Variants in MINDY2 observed in about 807,000 individuals in gnomAD.
MINDY2 encodes MINDY lysine 48 deubiquitinase 2.
A neutral mutation model predicts 68.2 loss-of-function variants in MINDY2; 52 were observed. That is an observed-to-expected ratio of 0.76 (90% CI 0.61 to 0.96). MINDY2 has a LOEUF of 0.96. Among genes scored for constraint, MINDY2 ranks in the 40% least tolerant of loss-of-function variants. The pLI, the probability that MINDY2 is intolerant of heterozygous loss-of-function variation, is 0.00. For synonymous variants in MINDY2, 372 were observed against 303.0 expected, an observed-to-expected ratio of 1.23 and a Z score of -2.36; for missense variants, 881 against 773.4, an observed-to-expected ratio of 1.14 and a Z score of -1.65.
chr15:58,793,378 C>T (rs1173955795), intron 2 of MINDY2, among the ~76,000 whole-genome samples: 2 of 151,952 alleles, frequency 1.3e-5, no homozygotes, highest in African/African-American at 4.8e-5. Context: ...TTGAACCCAG[C>T]AGTCGGAGGT....
chr15:58,850,017 G>A (rs977698130), intron 7 of MINDY2, among the ~76,000 whole-genome samples: 6 of 152,136 alleles, frequency 3.9e-5, no homozygotes, highest in Admixed American at 6.5e-5. Context: ...GATTACAGGC[G>A]TGAGCCACTG....
intron 5 of MINDY2, among the ~76,000 whole-genome samples, chr15:58,828,942 TACTC>T (rs1481266696): frequency 6.6e-6 from 1 of 152,204 alleles, no homozygotes; most frequent in Non-Finnish European, 1.5e-5. Flanking sequence ...TCATGAATAA[TACTC>T]TATTATCATT....
chr15:58,822,107 A>G (rs915160477), intron 5 of MINDY2, among the ~76,000 whole-genome samples: 2 of 152,046 alleles, frequency 1.3e-5, no homozygotes, highest in Non-Finnish European at 2.9e-5. Context: ...ACAAAAAATT[A>G]GTTGGCCATG....
intron 2 of MINDY2, among the ~76,000 whole-genome samples, chr15:58,795,357 G>A (rs1902212172): frequency 6.6e-6 from 1 of 151,942 alleles, no homozygotes; most frequent in Non-Finnish European, 1.5e-5. Flanking sequence ...TGTCCTAATG[G>A]CTCACTTCAG....
intron 4 of MINDY2, among the ~76,000 whole-genome samples, chr15:58,819,636 C>T (rs528436136): frequency 6.6e-6 from 1 of 152,290 alleles, no homozygotes; most frequent in South Asian, 2.1e-4. Context: ...GTGTGAGCCA[C>T]CACACCCAAC....
intron 3 of MINDY2, among the ~76,000 whole-genome samples, chr15:58,804,722 G>A (rs536257098): frequency 5.3e-5 from 8 of 152,020 alleles, no homozygotes; most frequent in Admixed American, 2.0e-4. Flanking sequence ...TCAGAGGATC[G>A]CTTGAGCCCA....
intron 2 of MINDY2, among the ~76,000 whole-genome samples, chr15:58,788,267 T>C (rs1196466158): frequency 2.0e-5 from 3 of 152,284 alleles, no homozygotes; most frequent in Admixed American, 6.5e-5. Flanking sequence ...TGACATTGCA[T>C]GTAGAAAGTG....
At chr15:58,791,221 A>ATATATATATATG (rs1901879312) in intron 2 of MINDY2, among the ~76,000 whole-genome samples, 1 of 18,484 alleles carries the variant, frequency 5.4e-5, no homozygotes. Context: ...AATTTTATAT[A>ATATATATATATG]TATATATATA....
chr15:58,789,872 C>T (rs1164358495), intron 2 of MINDY2, among the ~76,000 whole-genome samples: 3 of 152,106 alleles, frequency 2.0e-5, no homozygotes, highest in African/African-American at 2.4e-5. Flanking sequence ...GTCTTGAACT[C>T]CTGACCTCAG....
chr15:58,853,262 C>G (rs2032921304), intron 8 of MINDY2, among the ~76,000 whole-genome samples: 1 of 151,786 alleles, frequency 6.6e-6, no homozygotes, highest in African/African-American at 2.4e-5. Flanking sequence ...CTAAACTGTT[C>G]ATTTTGATTC....
At chr15:58,813,651 T>C (rs1452634291) in intron 4 of MINDY2, among the ~76,000 whole-genome samples, 1 of 152,146 alleles carries the variant, frequency 6.6e-6, no homozygotes, top group African/African-American at 2.4e-5. Flanking sequence ...TTGCCCAGGC[T>C]GGACTTGAAT....
intron 5 of MINDY2, among the ~76,000 whole-genome samples, chr15:58,826,104 T>A (rs936050283): frequency 6.6e-6 from 1 of 152,032 alleles, no homozygotes; most frequent in Non-Finnish European, 1.5e-5. Flanking sequence ...ACTTTTATTT[T>A]AAAAAATCTC....
chr15:58,782,276 C>T (rs1416847488), intron 1 of MINDY2, among the ~76,000 whole-genome samples: 1 of 151,994 alleles, frequency 6.6e-6, no homozygotes, highest in African/African-American at 2.4e-5. Context: ...TACATATATA[C>T]ACACATGTGT....
rs570085853 is a variant in MINDY2 at position 58,788,254 on chromosome 15, C to T, written c.898+291C>T. Among the ~76,000 whole-genome samples the T allele has an allele frequency of 2.6e-5, 4 of 152,238 alleles. No individual in the cohort carries two copies. In the East Asian group the frequency reaches 5.8e-4, roughly 22 times the overall value. ...TGTAGAATGGGAGATGGTACAGAAT[C>T]GCTGACATTGCATGTAGAAAGTGTT... On this transcript the variant is annotated intron_variant, in intron 2 of 8. Coordinates refer to ENST00000559228, the MANE Select transcript of MINDY2 (RefSeq NM_001040450.3).
At position 58,851,794 on chromosome 15, in the gene MINDY2, A is replaced by G. The variant is rs1221263096; in HGVS notation, c.1566A>G (p.Leu522=). The G allele has an allele frequency of 1.9e-6, 3 of 1,591,526 alleles. No individual in the cohort carries two copies. In the Admixed American group the frequency reaches 5.7e-5, roughly 30 times the overall value. The change falls in exon 8 of 9, where the codon CTA becomes CTG. Residue 522 remains leucine, a synonymous_variant. Transcript: ENST00000559228. ...IDQDYLMALS[L]QQEQQSQEIN... ...AGGATTATCTTATGGCATTATCTCT[A>G]CAACAAGAACAGCAGAGCCAAGAGA... is the stretch of plus-strand genomic sequence containing the variant.
intron 7 of MINDY2, among the ~76,000 whole-genome samples, chr15:58,850,165 A>T (rs2032745509): frequency 6.6e-6 from 1 of 152,242 alleles, no homozygotes; most frequent in Non-Finnish European, 1.5e-5. Flanking sequence ...GTGGATATTA[A>T]GTTAATGCTT....
intron 4 of MINDY2, among the ~76,000 whole-genome samples, chr15:58,813,931 C>CTTT (rs60131191): frequency 7.9e-6 from 1 of 126,986 alleles, no homozygotes; most frequent in Non-Finnish European, 1.6e-5. Flanking sequence ...ACTTGCATTT[C>CTTT]TTTTTTTTTT....
At chr15:58,846,109 A>G (rs2032519620) in intron 6 of MINDY2, among the ~76,000 whole-genome samples, 2 of 151,754 alleles carry the variant, frequency 1.3e-5, no homozygotes, top group African/African-American at 4.8e-5. Flanking sequence ...AAAAAAAAAG[A>G]AAAAACAGAA....
intron 6 of MINDY2, among the ~76,000 whole-genome samples, chr15:58,846,026 G>A (rs147265460): frequency 7.8e-4 from 118 of 150,702 alleles, no homozygotes; most frequent in African/African-American, 2.7e-3. Context: ...ATAGAGAGTA[G>A]AATGATGGTT....
Sources: allele counts gnomAD v4.1 joint callset (sites outside exome capture counted in the v4.1 genomes callset), GRCh38; gene constraint gnomAD v4.1.1; transcripts MANE v1.5; gene names NCBI Gene and HGNC (gene_info 2026-07-23, HGNC 2026-07-21).